The following CNBD1 variants were observed in gnomAD, a reference collection of about 807,000 sequenced individuals.
CNBD1 encodes the protein cyclic nucleotide binding domain containing 1.
CNBD1 carries 71 observed loss-of-function variants against 54.4 expected under a neutral mutation model. The observed-to-expected ratio is 1.30, with a 90% CI of 1.08 to 1.59. The LOEUF is 1.59. Among genes scored for constraint, CNBD1 ranks in the 40% most tolerant of loss-of-function variants. The probability of loss-of-function intolerance (pLI) is 0.00; values close to 1 mark genes in which losing one functional copy is unlikely to be tolerated. For missense variants in CNBD1, 659 were observed against 518.0 expected (o/e 1.27, Z -2.64); for synonymous variants, 182 against 170.7 (o/e 1.07, Z -0.51).
intron 2 of CNBD1, among the ~76,000 whole-genome samples, chr8:87,406,477 CACT>C (rs370788213): frequency 0.096 from 9,517 of 99,114 alleles, 186 homozygotes; most frequent in African/African-American, 0.17. Flanking sequence ...CACACACACA[CACT>C]TTTTTTTTTT....
intron 2 of CNBD1, among the ~76,000 whole-genome samples, chr8:87,396,718 A>G (rs1194316011): frequency 6.6e-6 from 1 of 151,750 alleles, no homozygotes; most frequent in East Asian, 1.9e-4. Flanking sequence ...TCATATCAGT[A>G]GTATTAAAAG....
chr8:87,365,260 T>G (rs192817839), intron 10 of CNBD1, among the ~76,000 whole-genome samples: 6 of 152,234 alleles, frequency 3.9e-5, no homozygotes, highest in African/African-American at 1.4e-4. Flanking sequence ...TAATGATTAG[T>G]GATATTGTGC....
At chr8:86,892,270 C>T (rs1481382968) in intron 2 of CNBD1, among the ~76,000 whole-genome samples, 1 of 151,988 alleles carries the variant, frequency 6.6e-6, no homozygotes, top group African/African-American at 2.4e-5. Flanking sequence ...AGGTCAAATA[C>T]TTATAAAAAC....
chr8:87,181,012 C>T (rs1813300360), intron 4 of CNBD1, among the ~76,000 whole-genome samples: 1 of 152,166 alleles, frequency 6.6e-6, no homozygotes, highest in Non-Finnish European at 1.5e-5. Context: ...CTCCACTCTG[C>T]AATCTGTCTA....
chr8:87,361,735 T>G (rs1015837519), intron 10 of CNBD1, among the ~76,000 whole-genome samples: 1 of 150,522 alleles, frequency 6.6e-6, no homozygotes, highest in African/African-American at 2.4e-5. Context: ...AGAAAATCTT[T>G]GGCTAATATG....
intron 4 of CNBD1, among the ~76,000 whole-genome samples, chr8:86,945,132 T>C (rs1309843853): frequency 5.9e-5 from 9 of 152,146 alleles, no homozygotes; most frequent in Admixed American, 1.3e-4. Flanking sequence ...GGTTTCTTCA[T>C]AAATGACTAA....
chr8:87,383,435 T>A (rs1414620714), downstream of CNBD1, among the ~76,000 whole-genome samples: 1 of 152,120 alleles, frequency 6.6e-6, no homozygotes. Flanking sequence ...CTGTTATTAT[T>A]TTAGAGATAA....
intron 4 of CNBD1, among the ~76,000 whole-genome samples, chr8:87,074,018 G>A (rs1407292753): frequency 6.6e-6 from 1 of 151,332 alleles, no homozygotes; most frequent in Non-Finnish European, 1.5e-5. Context: ...GGAGAATGGT[G>A]TGAACCTGGG....
chr8:87,417,382 G>A lies in CNBD1; in HGVS notation c.214-11164G>A, dbSNP rs533042025. On this transcript the variant is annotated intron_variant, in intron 2 of 7. Transcript: ENST00000521593. ...CTATAATTCAAGATGAGATTTGGGT[G>A]GGAACACAGCAAAACCATATTACCC... Among the ~76,000 whole-genome samples, 3 of 151,964 alleles carry A rather than the reference G, an allele frequency of 2.0e-5. No homozygotes were observed. The South Asian group carries it at 6.2e-4, about 32-fold the overall frequency.
intron 1 of CNBD1, among the ~76,000 whole-genome samples, chr8:86,868,177 A>G: frequency 6.6e-6 from 1 of 152,200 alleles, no homozygotes; most frequent in East Asian, 1.9e-4. Flanking sequence ...CAAAGGATAT[A>G]TAAATGAGTT....
intron 6 of CNBD1, among the ~76,000 whole-genome samples, chr8:87,264,034 A>G (rs1396544963): frequency 1.3e-5 from 2 of 152,102 alleles, no homozygotes; most frequent in Admixed American, 6.6e-5. Context: ...TTTAGGGTAC[A>G]TGTGCACAAC....
intron 8 of CNBD1, among the ~76,000 whole-genome samples, chr8:87,339,479 T>C (rs1810021052): frequency 1.3e-5 from 2 of 151,562 alleles, no homozygotes. Context: ...GCAGTGGTTT[T>C]CTCTGTGACC....
chr8:87,399,176 G>T (rs1335721653), intron 2 of CNBD1, among the ~76,000 whole-genome samples: 2 of 151,984 alleles, frequency 1.3e-5, no homozygotes, highest in South Asian at 2.1e-4. Flanking sequence ...ATAGCTGATG[G>T]TTATTTTTGT....
At chr8:86,933,750 A>T (rs893729348) in intron 3 of CNBD1, among the ~76,000 whole-genome samples, 3 of 152,120 alleles carry the variant, frequency 2.0e-5, no homozygotes, top group Non-Finnish European at 4.4e-5. Context: ...GCAATATATT[A>T]TGAATATTCT....
At chr8:87,390,079 C>T (rs1308662537) in intron 2 of CNBD1, among the ~76,000 whole-genome samples, 3 of 150,862 alleles carry the variant, frequency 2.0e-5, no homozygotes, top group Non-Finnish European at 4.4e-5. Context: ...CTTCCTTACA[C>T]CTTATACAAA....
At chr8:87,049,133 T>C (rs1186653004) in intron 4 of CNBD1, among the ~76,000 whole-genome samples, 1 of 152,200 alleles carries the variant, frequency 6.6e-6, no homozygotes, top group Non-Finnish European at 1.5e-5. Flanking sequence ...CTCAAATGTG[T>C]CAGATCTCCT....
chr8:87,286,983 A>C (rs1808711671), intron 8 of CNBD1, among the ~76,000 whole-genome samples: 1 of 152,090 alleles, frequency 6.6e-6, no homozygotes, highest in African/African-American at 2.4e-5. Flanking sequence ...TAAATACTAG[A>C]GGGTATAGCC....
chr8:87,340,690 C>T (rs1021594785), intron 8 of CNBD1, among the ~76,000 whole-genome samples: 11 of 151,966 alleles, frequency 7.2e-5, no homozygotes, highest in Middle Eastern at 3.2e-3. Context: ...GATTAATTTG[C>T]TTTATAAAGT....
chr8:87,231,631 ATTTTTTTCTCTAG>A (rs1807439400), intron 5 of CNBD1, among the ~76,000 whole-genome samples: 1 of 150,000 alleles, frequency 6.7e-6, no homozygotes, highest in Non-Finnish European at 1.5e-5. Flanking sequence ...TTGTGAACAG[ATTTTTTTCTCTAG>A]TTTTTTTCTC....
Sources: gnomAD v4.1 joint callset for allele counts (sites outside exome capture counted in the v4.1 genomes callset) on GRCh38, gnomAD v4.1.1 for gene constraint, MANE v1.5 for transcripts, NCBI Gene and HGNC (gene_info 2026-07-23, HGNC 2026-07-21) for gene names.